The following ETV1 variants were observed in gnomAD, a reference collection of about 807,000 sequenced individuals.
The protein encoded by ETV1 is ETS variant transcription factor 1, also known as ETS translocation variant 1.
ETV1 carries 27 observed loss-of-function variants against 62.3 expected under a neutral mutation model. The observed-to-expected ratio is 0.43, with a 90% CI of 0.32 to 0.60. The LOEUF (loss-of-function observed/expected upper bound fraction) is 0.60. Among genes scored for constraint, ETV1 ranks in the 20% least tolerant of loss-of-function variants. ETV1 has a pLI of 0.06. For missense variants in ETV1, 605 were observed against 605.8 expected (o/e 1.00, Z 0.01); for synonymous variants, 222 against 199.6 (o/e 1.11, Z -0.94).
intron 3 of ETV1, chr7:13,988,719 C>G: frequency 6.2e-7 from 1 of 1,612,518 alleles, no homozygotes; most frequent in Non-Finnish European, 8.5e-7. Flanking sequence ...CAGCCAAAAA[C>G]TTTGAGTGCA....
intron 13 of ETV1, among the ~76,000 whole-genome samples, chr7:13,899,250 G>A (rs1311446091): frequency 6.6e-6 from 1 of 152,162 alleles, no homozygotes; most frequent in South Asian, 2.1e-4. Flanking sequence ...CAAAAAGGTA[G>A]GTGAGAGAAA....
At chr7:13,916,942 A>G (rs1784242752) in intron 9 of ETV1, among the ~76,000 whole-genome samples, 1 of 152,090 alleles carries the variant, frequency 6.6e-6, no homozygotes, top group East Asian at 1.9e-4. Context: ...AAAAAAAAAA[A>G]AAGTAAAAGT....
In ETV1 at chr7:13,989,569, G is replaced by C; in HGVS notation, c.-291C>G. The C allele has an allele frequency of 2.5e-6, 1 of 399,052 alleles. No individual in the cohort carries two copies. Among genetic ancestry groups the C allele is most frequent in the Non-Finnish European group, 4.4e-6 (1 of 226,142 alleles). 24.7% of individuals were successfully genotyped at this position (399,052 alleles called of 1,614,324 possible). A position where few individuals can be genotyped will look rare whatever the true frequency, so the allele number is the denominator to read the frequency against. ...AGTTGTTGGAAAGACCCACCTGAAG[G>C]CCACGCTAGGCGAAAGGCTGCAAAA... On this transcript the variant is annotated 5_prime_UTR_variant, in exon 1 of 14. Coordinates refer to ENST00000430479, the MANE Select transcript of ETV1 (RefSeq NM_004956.5).
chr7:13,988,403 T>C, intron 3 of ETV1: 1 of 581,736 alleles, frequency 1.7e-6, no homozygotes, highest in Non-Finnish European at 3.0e-6. Context: ...AGTGCCGATC[T>C]TAGCACATTA....
chr7:13,934,403 A>G (rs1199488058), intron 8 of ETV1, among the ~76,000 whole-genome samples: 1 of 152,194 alleles, frequency 6.6e-6, no homozygotes, highest in African/African-American at 2.4e-5. Context: ...AAAACCTATA[A>G]AAAGCACATT....
chr7:13,957,497 T>C (rs1329162558), intron 6 of ETV1, among the ~76,000 whole-genome samples: 1 of 152,244 alleles, frequency 6.6e-6, no homozygotes, highest in African/African-American at 2.4e-5. Flanking sequence ...TTTCCATAAC[T>C]TGGTGATCAA....
chr7:13,926,315 A>G (rs540961889), intron 9 of ETV1, among the ~76,000 whole-genome samples: 83 of 152,338 alleles, frequency 5.4e-4, no homozygotes, highest in Non-Finnish European at 1.1e-3. Context: ...CTCCCTAAAA[A>G]AATCTACTGT....
In ETV1 at chr7:13,892,095, A is replaced by G. The variant is rs1465650782; in HGVS notation, c.*3771T>C. The G allele has an allele frequency of 4.3e-6, 1 of 232,310 alleles. No individual in the cohort carries two copies. Among genetic ancestry groups the G allele is most frequent in the Admixed American group, 5.6e-5 (1 of 17,762 alleles). 14.4% of individuals were successfully genotyped at this position (232,310 alleles called of 1,614,324 possible). On this transcript the variant is annotated 3_prime_UTR_variant, in exon 14 of 14. Transcript: ENST00000430479. ...TCATTTTGCAATTGTTCTTTTGAGT[A>G]ATAGACATATTTTACACATTGTTCT... is the stretch of plus-strand genomic sequence containing the variant.
Position 13,935,854 on chromosome 7 carries a change from G to A in ETV1, c.408C>T (p.Asn136=). 1.9e-6 allele frequency: 3 copies of A among 1,613,832 alleles called. No individual in the cohort carries two copies. Among genetic ancestry groups the A allele is most frequent in the South Asian group, 1.1e-5 (1 of 91,072 alleles). ...CTGGCGTGCTGGATGGTGTGGGGGG[G>A]TTGGAGGGCCTCATTCCCACTTGTG... is the stretch of plus-strand genomic sequence containing the variant. ...QKPQVGMRPS[N]PPTPSSTPVS... Residue 136 remains asparagine (N), a synonymous_variant, in exon 8 of 14, where the codon AAC becomes AAT. Transcript: ENST00000430479.
intron 5 of ETV1, among the ~76,000 whole-genome samples, chr7:13,981,000 A>G (rs1781923012): frequency 6.6e-6 from 1 of 152,116 alleles, no homozygotes; most frequent in Non-Finnish European, 1.5e-5. Context: ...AATAATCATT[A>G]CTTAAGAAAA....
At chr7:13,919,125 C>T (rs190668753) in intron 9 of ETV1, among the ~76,000 whole-genome samples, 2 of 152,182 alleles carry the variant, frequency 1.3e-5, no homozygotes, top group East Asian at 1.9e-4. Flanking sequence ...GTGCTAGAAA[C>T]GGTATCAGTG....
intron 7 of ETV1, among the ~76,000 whole-genome samples, chr7:13,936,439 AC>A (rs1361938169): frequency 2.1e-4 from 32 of 152,310 alleles, no homozygotes; most frequent in African/African-American, 7.5e-4. Context: ...CTTGGCATTA[AC>A]TTCCCCACAT....
intron 6 of ETV1, among the ~76,000 whole-genome samples, chr7:13,961,868 A>G (rs188399925): frequency 2.6e-4 from 40 of 152,316 alleles, no homozygotes; most frequent in Admixed American, 8.5e-4. Context: ...GTATCATTAC[A>G]GATATACACT....
At chr7:13,910,125 C>T (rs1783409966) in intron 10 of ETV1, among the ~76,000 whole-genome samples, 1 of 151,460 alleles carries the variant, frequency 6.6e-6, no homozygotes, top group African/African-American at 2.4e-5. Flanking sequence ...GTCTGATGCT[C>T]TGAGACAGAT....
At chr7:13,902,550 T>C (rs1782549536) in intron 12 of ETV1, among the ~76,000 whole-genome samples, 1 of 152,002 alleles carries the variant, frequency 6.6e-6, no homozygotes, top group African/African-American at 2.4e-5. Flanking sequence ...CAATAAGAAA[T>C]GAAAGCATTT....
chr7:13,915,326 A>G (rs981068547), intron 9 of ETV1, among the ~76,000 whole-genome samples: 1 of 152,236 alleles, frequency 6.6e-6, no homozygotes, highest in African/African-American at 2.4e-5. Context: ...AAATTATCAT[A>G]TACTCAGTAA....
chr7:13,902,262 TTC>T (rs974310470), intron 12 of ETV1, among the ~76,000 whole-genome samples: 2 of 152,072 alleles, frequency 1.3e-5, no homozygotes, highest in African/African-American at 4.8e-5. Flanking sequence ...GTAATAACCT[TTC>T]TCCAGGTTTT....
At chr7:13,954,291 A>G (rs945207850) in intron 6 of ETV1, among the ~76,000 whole-genome samples, 1 of 152,242 alleles carries the variant, frequency 6.6e-6, no homozygotes, top group Non-Finnish European at 1.5e-5. Context: ...TCAGAACCAG[A>G]GCAGTATAAT....
At chr7:13,954,651 A>G (rs1349395969) in intron 6 of ETV1, among the ~76,000 whole-genome samples, 1 of 152,174 alleles carries the variant, frequency 6.6e-6, no homozygotes, top group African/African-American at 2.4e-5. Flanking sequence ...TGTATGTAAA[A>G]AGGATCTGTA....
Sources: allele counts gnomAD v4.1 joint callset (sites outside exome capture counted in the v4.1 genomes callset), GRCh38; gene constraint gnomAD v4.1.1; transcripts MANE v1.5; gene names NCBI Gene and HGNC (gene_info 2026-07-23, HGNC 2026-07-21).